Variants in TTC23L observed in about 807,000 individuals in gnomAD.
The protein encoded by TTC23L is tetratricopeptide repeat protein 23-like.
Under a neutral mutation model 48.1 loss-of-function variants are expected in TTC23L, and 42 were observed. The ratio of observed to expected loss-of-function variants is 0.87; its 90% confidence interval spans 0.68 to 1.13. The LOEUF is 1.13. TTC23L is among the 50% of genes most tolerant of loss of function. The probability of loss-of-function intolerance (pLI) is 0.00; values close to 1 mark genes in which losing one functional copy is unlikely to be tolerated. For synonymous variants in TTC23L, 159 were observed against 157.2 expected (o/e 1.01, Z -0.09); for missense variants, 391 against 421.0 (o/e 0.93, Z 0.62).
At chr5:34,871,062 T>C (rs1189130995) in intron 8 of TTC23L, among the ~76,000 whole-genome samples, 1 of 152,180 alleles carries the variant, frequency 6.6e-6, no homozygotes, top group African/African-American at 2.4e-5. Context: ...ATGTTCACTC[T>C]CACTGCTCCT....
chr5:34,917,089 AG>A, the TTC23L span, among the ~76,000 whole-genome samples: 1 of 152,176 alleles, frequency 6.6e-6, no homozygotes, highest in East Asian at 1.9e-4. Flanking sequence ...TGCATATCAG[AG>A]GAAGTGTAGA....
At chr5:34,859,101 A>G (rs1451090739) in intron 4 of TTC23L, among the ~76,000 whole-genome samples, 1 of 152,140 alleles carries the variant, frequency 6.6e-6, no homozygotes, top group African/African-American at 2.4e-5. Context: ...TGACATTCAC[A>G]AGCCCAGAAG....
chr5:34,920,855 G>T, the TTC23L span: 1 of 151,336 alleles, frequency 6.6e-6, no homozygotes, highest in African/African-American at 2.4e-5. Context: ...AGTTGTTAGG[G>T]TTTGTTTATT....
chr5:34,917,485 A>G, the TTC23L span, among the ~76,000 whole-genome samples: 1 of 151,978 alleles, frequency 6.6e-6, no homozygotes, highest in African/African-American at 2.4e-5. Flanking sequence ...TACAAAAAAA[A>G]AAAAATCAGC....
At chr5:34,889,879 G>A (rs998561451) in intron 9 of TTC23L, among the ~76,000 whole-genome samples, 7 of 150,852 alleles carry the variant, frequency 4.6e-5, no homozygotes, top group African/African-American at 1.7e-4. Context: ...TTGCTCTGTC[G>A]CCAGGCTGTA....
rs1431782829 is a variant in TTC23L, at chr5:34,893,310, A to AG, written c.1078-3457dup. Among the ~76,000 whole-genome samples, 2 of 152,202 alleles carry AG rather than the reference A, an allele frequency of 1.3e-5. 1 individual carries two copies. Reference sequence around the variant, plus strand: ...TCTTGGAGGATTTCTAGGGCGCCTGAGGGAAGATGGTTTCCACTTTGGATA... The same window carrying AG: ...TCTTGGAGGATTTCTAGGGCGCCTGAGGGGAAGATGGTTTCCACTTTGGATA... On this transcript the variant is annotated intron_variant, in intron 9 of 10. Coordinates refer to ENST00000505624, the Ensembl canonical transcript of TTC23L.
intron 8 of TTC23L, among the ~76,000 whole-genome samples, chr5:34,876,294 A>T (rs1459179128): frequency 6.6e-6 from 1 of 152,176 alleles, no homozygotes; most frequent in Non-Finnish European, 1.5e-5. Context: ...AATTGAAAAC[A>T]GCAAGTCAAT....
the TTC23L span, chr5:34,914,826 T>G: frequency 6.2e-7 from 1 of 1,614,090 alleles, no homozygotes; most frequent in Non-Finnish European, 8.5e-7. Context: ...TTCCTAACGT[T>G]GTCAAGGCTG....
intron 4 of TTC23L, 57 bp from the exon 5 acceptor site, chr5:34,862,841 C>T: frequency 6.3e-6 from 10 of 1,599,118 alleles, no homozygotes; most frequent in Non-Finnish European, 8.5e-6. Context: ...ATGTTTTTGA[C>T]TGAAGCATGC....
chr5:34,840,794 A>G, intron 2 of TTC23L, 55 bp downstream of exon 2: 1 of 1,551,868 alleles, frequency 6.4e-7, no homozygotes, highest in Non-Finnish European at 8.9e-7. Context: ...AAACACTGGG[A>G]CCTCCTGCTT....
At chr5:34,845,456 T>C in intron 2 of TTC23L, 31 bp from the exon 3 acceptor site, 1 of 1,596,078 alleles carries the variant, frequency 6.3e-7, no homozygotes, top group African/African-American at 1.3e-5. Flanking sequence ...GAAGGTTAAA[T>C]CCTGAATCCT....
chr5:34,886,863 A>G (rs17303064), intron 9 of TTC23L, among the ~76,000 whole-genome samples: 12,413 of 152,232 alleles, frequency 0.082, 535 homozygotes, highest in South Asian at 0.11. Flanking sequence ...TTCAAGGTTG[A>G]GTGGAATTAG....
rs754439182 is a variant in TTC23L at position 34,863,055 on chromosome 5, A to ATATCCTTC, written c.536+2_536+9dup. On this transcript the variant is annotated splice_donor_variant, in intron 5 of 10. Transcript: ENST00000505624. LOFTEE classifies it high-confidence loss of function. This position sits in a 1 kb window ranked among gnomAD's most constrained non-coding sequence, Gnocchi z 4.1. ...GCGTGGCCTGGCTCCTGCAGAACCGATATCCTTCCATTCCTAGCTGCGTTT... is the reference window on the plus strand; with the variant it reads ...GCGTGGCCTGGCTCCTGCAGAACCGATATCCTTCTATCCTTCCATTCCTAGCTGCGTTT... The ATATCCTTC allele has an allele frequency of 1.2e-5, 19 of 1,613,758 alleles. No homozygotes were observed. Among genetic ancestry groups the ATATCCTTC allele is most frequent in the Non-Finnish European group, 1.6e-5 (19 of 1,179,792 alleles).
the TTC23L span, chr5:34,914,967 G>GTAA: frequency 1.3e-6 from 2 of 1,519,090 alleles, no homozygotes; most frequent in Non-Finnish European, 9.0e-7. Flanking sequence ...AACACCTGAA[G>GTAA]GGATTAGACA....
chr5:34,893,067 A>G (rs1762974576), intron 9 of TTC23L, among the ~76,000 whole-genome samples: 1 of 152,168 alleles, frequency 6.6e-6, no homozygotes, highest in Non-Finnish European at 1.5e-5. Context: ...CTGATAGTCC[A>G]AGGGAGAGAT....
At chr5:34,906,651 TAAAA>T in the TTC23L span, 3 of 151,810 alleles carry the variant, frequency 2.0e-5, no homozygotes, top group Non-Finnish European at 2.9e-5. Flanking sequence ...AAAATAAAAA[TAAAA>T]AAACTGAGAT....
intron 2 of TTC23L, among the ~76,000 whole-genome samples, chr5:34,843,900 C>A (rs531427827): frequency 6.6e-6 from 1 of 152,090 alleles, no homozygotes; most frequent in African/African-American, 2.4e-5. Flanking sequence ...CAGCCCCTGC[C>A]GTATTGGAGT....
chr5:34,864,434 C>T lies in TTC23L; in HGVS notation c.537-3C>T. On this transcript the variant is annotated splice_polypyrimidine_tract_variant and splice_region_variant and intron_variant, in intron 5 of 10. Coordinates refer to ENST00000505624, the Ensembl canonical transcript of TTC23L. Reference sequence around the variant, plus strand: ...TGCTTGCCATTTTCCTTGACTATTTCACTGGCAGAGAAGCCTATTTCAACC... The same window carrying T: ...TGCTTGCCATTTTCCTTGACTATTTTACTGGCAGAGAAGCCTATTTCAACC... 1 of 1,613,418 alleles carries T rather than the reference C, an allele frequency of 6.2e-7. No individual in the cohort carries two copies. The highest frequency in any genetic ancestry group is 8.5e-7 in the Non-Finnish European group (1 of 1,179,604).
downstream of TTC23L, among the ~76,000 whole-genome samples, chr5:34,900,992 C>T (rs547638571): frequency 6.6e-6 from 1 of 152,266 alleles, no homozygotes; most frequent in African/African-American, 2.4e-5. Context: ...TTTAACCTTG[C>T]ATCTTTACAT....
Sources: allele counts gnomAD v4.1 joint callset (sites outside exome capture counted in the v4.1 genomes callset), GRCh38; gene constraint gnomAD v4.1.1; non-coding constraint Gnocchi (gnomAD v3.1); transcripts MANE v1.5; gene names NCBI Gene and HGNC (gene_info 2026-07-23, HGNC 2026-07-21).